The following TRIM9 variants were observed in gnomAD, a reference collection of about 807,000 sequenced individuals.
TRIM9 encodes the protein E3 ubiquitin-protein ligase TRIM9.
A neutral mutation model predicts 78.3 loss-of-function variants in TRIM9; 26 were observed. That is an observed-to-expected ratio of 0.33 (90% CI 0.24 to 0.46). The LOEUF (loss-of-function observed/expected upper bound fraction) is 0.46, where lower values mean the gene tolerates loss of function less well. Among genes scored for constraint, TRIM9 ranks in the 20% least tolerant of loss-of-function variants. TRIM9 has a pLI of 1.00. For missense variants in TRIM9, 787 were observed against 1,036.4 expected (o/e 0.76, Z 3.30); for synonymous variants, 398 against 416.5 (o/e 0.96, Z 0.54).
intron 11 of TRIM9, 55 bp from the exon 12 acceptor site, chr14:50,979,604 C>T (rs951658967): frequency 7.5e-6 from 11 of 1,471,898 alleles, no homozygotes; most frequent in Non-Finnish European, 9.4e-6. Flanking sequence ...TCTAGAAGCT[C>T]CCCCCTTTTG....
chr14:51,071,219 A>G (rs2062206278), intron 1 of TRIM9, among the ~76,000 whole-genome samples: 2 of 151,856 alleles, frequency 1.3e-5, no homozygotes, highest in African/African-American at 4.8e-5. Flanking sequence ...TCTACTAAAA[A>G]TACAAAATTA....
intron 1 of TRIM9, among the ~76,000 whole-genome samples, chr14:51,045,397 C>T (rs751394921): frequency 2.6e-5 from 4 of 152,206 alleles, no homozygotes; most frequent in Non-Finnish European, 5.9e-5. Flanking sequence ...TAAGATAGAA[C>T]TTTCACCTTT....
At chr14:51,026,451 A>G (rs943714875) in intron 1 of TRIM9, among the ~76,000 whole-genome samples, 4 of 152,126 alleles carry the variant, frequency 2.6e-5, no homozygotes, top group Non-Finnish European at 5.9e-5. Flanking sequence ...GTATCACTGT[A>G]CTTGATACAA....
chr14:51,091,255 A>G (rs1162811275), intron 1 of TRIM9: 1 of 152,216 alleles, frequency 6.6e-6, no homozygotes, highest in Non-Finnish European at 1.5e-5. Context: ...TGTTTTTAAT[A>G]CCACTTTAAA....
chr14:51,056,476 A>G (rs2060906909), intron 1 of TRIM9, among the ~76,000 whole-genome samples: 1 of 152,174 alleles, frequency 6.6e-6, no homozygotes, highest in Non-Finnish European at 1.5e-5. Context: ...GCTATACTCT[A>G]GATCCCAGAG....
chr14:50,998,013 A>G lies in TRIM9; in HGVS notation c.1603+37T>C, dbSNP rs781701417. 6 of 1,613,338 alleles carry G rather than the reference A, an allele frequency of 3.7e-6. No individual in the cohort carries two copies. In the South Asian group the frequency reaches 5.5e-5, roughly 15 times the overall value. On this transcript the variant is annotated intron_variant, in intron 7 of 12. Transcript: ENST00000684578. Reference sequence around the variant, plus strand: ...TTGCCAGCCACTTTAGATGCCACGCAGTTCTCGCTCTGAGGGATACTGCTG... The same window carrying G: ...TTGCCAGCCACTTTAGATGCCACGCGGTTCTCGCTCTGAGGGATACTGCTG...
rs777361081 is a variant in TRIM9, at chr14:51,000,782, G to A, written c.1365C>T (p.Asn455=). 6.2e-7 allele frequency: 1 copy of A among 1,614,128 alleles called. No individual in the cohort carries two copies. The highest frequency in any genetic ancestry group is 8.5e-7 in the Non-Finnish European group (1 of 1,180,054). ...ILQLEECCTH[N]NSATLSWKQP... ...GTTTCCAGGACAACGTAGCGCTGTT[G>A]TTGTGGGTACAACATTCCTCCAGCT... Residue 455 remains asparagine (N), a synonymous_variant, in exon 6 of 13, where the codon AAC becomes AAT. Coordinates refer to ENST00000684578, the MANE Select transcript of TRIM9 (RefSeq NM_001387360.1).
At position 51,006,512 on chromosome 14, in the gene TRIM9, T is replaced by A. The variant is rs145432229; in HGVS notation, c.1306+2568A>T. 4.4e-3 allele frequency among the ~76,000 whole-genome samples: 674 copies of A among 152,304 alleles called. 6 individuals are homozygous for A. Among genetic ancestry groups the A allele is most frequent in the African/African-American group, 0.015 (641 of 41,556 alleles). ...TGGCTTTTTCTTTCCATCGCAAGCA[T>A]CTGACAGATGAAAATTATTCAGATT... is the stretch of plus-strand genomic sequence containing the variant. On this transcript the variant is annotated intron_variant, in intron 5 of 12. Coordinates refer to ENST00000684578, the MANE Select transcript of TRIM9 (RefSeq NM_001387360.1).
chr14:51,067,214 AT>A (rs2061824101), intron 1 of TRIM9, among the ~76,000 whole-genome samples: 1 of 152,138 alleles, frequency 6.6e-6, no homozygotes, highest in African/African-American at 2.4e-5. Context: ...TAGTGCCATT[AT>A]TTAGCCCGTT....
chr14:51,012,561 G>C (rs2056700573), intron 3 of TRIM9, among the ~76,000 whole-genome samples: 2 of 152,080 alleles, frequency 1.3e-5, no homozygotes, highest in Admixed American at 1.3e-4. Flanking sequence ...TCACTTCTTT[G>C]GGGTATTATA....
At chr14:51,031,280 A>G (rs2058717722) in intron 1 of TRIM9, among the ~76,000 whole-genome samples, 1 of 152,168 alleles carries the variant, frequency 6.6e-6, no homozygotes, top group Non-Finnish European at 1.5e-5. Context: ...AAAGACTTGA[A>G]GAAACACACA....
chr14:51,015,480 A>T (rs1359366920), intron 3 of TRIM9, among the ~76,000 whole-genome samples: 1 of 146,960 alleles, frequency 6.8e-6, no homozygotes, highest in Non-Finnish European at 1.5e-5. Context: ...TTTTTAAATA[A>T]ATGCTTTTTT....
chr14:50,989,338 A>G (rs1375077352), intron 7 of TRIM9, among the ~76,000 whole-genome samples: 1 of 152,200 alleles, frequency 6.6e-6, no homozygotes, highest in Non-Finnish European at 1.5e-5. Flanking sequence ...CGTTATGCCC[A>G]TGGGATGCAG....
At chr14:51,045,080 A>G (rs940523921) in intron 1 of TRIM9, among the ~76,000 whole-genome samples, 19 of 152,298 alleles carry the variant, frequency 1.2e-4, no homozygotes, top group African/African-American at 4.3e-4. Flanking sequence ...AATACTGCAT[A>G]GTCTGACATT....
chr14:50,998,213 A>G (rs1401149336), intron 6 of TRIM9, 25 bp from the exon 7 acceptor site: 1 of 1,612,132 alleles, frequency 6.2e-7, no homozygotes, highest in East Asian at 2.2e-5. Context: ...AGAACAGGAC[A>G]GCACTTAGCC....
At chr14:51,082,346 TA>T (rs2063379702) in intron 1 of TRIM9, among the ~76,000 whole-genome samples, 2 of 152,344 alleles carry the variant, frequency 1.3e-5, no homozygotes, top group South Asian at 4.1e-4. Flanking sequence ...AAAGTGGAAG[TA>T]ACCCAAATGT....
At position 51,009,178 on chromosome 14, in the gene TRIM9, C is replaced by A; in HGVS notation, c.1208G>T (p.Gly403Val). 2 of 1,614,026 alleles carry A rather than the reference C, an allele frequency of 1.2e-6. No homozygotes were observed. The highest frequency in any genetic ancestry group is 1.7e-6 in the Non-Finnish European group (2 of 1,179,938). ...CGTGGTCATCCTTGGAGTGAGTGTG[C>A]CTTTACCCCACTGATCCTCAGTCAG... ...VHLTEDQWGK[G>V]TLTPRMTTDF... Residue 403 changes from glycine (G) to valine (V), a missense_variant, in exon 5 of 13, where the codon GGC becomes GTC. Physicochemically the swap from Gly to Val is moderately radical, Grantham distance 109. This residue lies in a region of TRIM9 where 421 missense variants were observed against 514.3 expected (regional missense o/e 0.82). Transcript: ENST00000684578.
At chr14:51,003,809 G>C (rs748786568) in intron 5 of TRIM9, among the ~76,000 whole-genome samples, 25 of 152,204 alleles carry the variant, frequency 1.6e-4, no homozygotes, top group South Asian at 4.1e-4. Flanking sequence ...TCCTCCATGT[G>C]CTGAGAATTA....
At chr14:51,028,642 G>A (rs530349329) in intron 1 of TRIM9, among the ~76,000 whole-genome samples, 3 of 152,306 alleles carry the variant, frequency 2.0e-5, no homozygotes, top group African/African-American at 4.8e-5. Context: ...AGAAAGGTAC[G>A]TTCTAAAGCT....
Sources: gnomAD v4.1 joint callset for allele counts (sites outside exome capture counted in the v4.1 genomes callset) on GRCh38, gnomAD v4.1.1 for gene constraint, gnomAD v4.1.1 regional missense constraint, MANE v1.5 for transcripts, NCBI Gene and HGNC (gene_info 2026-07-23, HGNC 2026-07-21) for gene names.